Variants in FAM13A observed in about 807,000 individuals in gnomAD.
FAM13A encodes the protein protein FAM13A.
Under a neutral mutation model 129.6 loss-of-function variants are expected in FAM13A, and 76 were observed. That is an observed-to-expected ratio of 0.59 (90% CI 0.49 to 0.71). The LOEUF is 0.71. Among genes scored for constraint, FAM13A ranks in the 30% least tolerant of loss-of-function variants. The probability of loss-of-function intolerance (pLI) is 0.00; values close to 1 mark genes in which losing one functional copy is unlikely to be tolerated. For missense variants in FAM13A, 1,108 were observed against 1,249.3 expected (o/e 0.89, Z 1.70); for synonymous variants, 443 against 449.9 (o/e 0.98, Z 0.20).
At chr4:89,025,056 C>G (rs1337722028) in intron 2 of FAM13A, among the ~76,000 whole-genome samples, 1 of 152,060 alleles carries the variant, frequency 6.6e-6, no homozygotes, top group Non-Finnish European at 1.5e-5. Flanking sequence ...AAATCAATCC[C>G]TAATTTAAAT....
intron 7 of FAM13A, among the ~76,000 whole-genome samples, chr4:88,832,452 C>T (rs1734049204): frequency 6.6e-6 from 1 of 152,142 alleles, no homozygotes; most frequent in Non-Finnish European, 1.5e-5. Flanking sequence ...GAACAGACAA[C>T]CTACAGAATA....
chr4:88,831,756 A>G (rs1315867197), intron 7 of FAM13A, among the ~76,000 whole-genome samples: 2 of 152,222 alleles, frequency 1.3e-5, no homozygotes, highest in Non-Finnish European at 2.9e-5. Context: ...GACACAAACA[A>G]ATGGAAAAAC....
intron 11 of FAM13A, among the ~76,000 whole-genome samples, chr4:88,776,892 T>C (rs1721833248): frequency 6.6e-6 from 1 of 152,100 alleles, no homozygotes; most frequent in African/African-American, 2.4e-5. Flanking sequence ...GAGAATCACT[T>C]GAACCCGGGA....
chr4:89,033,537 G>C (rs993873331), intron 1 of FAM13A, among the ~76,000 whole-genome samples: 10 of 152,180 alleles, frequency 6.6e-5, no homozygotes, highest in African/African-American at 2.4e-4. Context: ...ATGCTGTAAA[G>C]ATAAGTGCAC....
chr4:89,021,353 G>T (rs994767267), intron 2 of FAM13A, among the ~76,000 whole-genome samples: 6 of 152,076 alleles, frequency 3.9e-5, no homozygotes, highest in African/African-American at 1.4e-4. Flanking sequence ...CATTTTCTTG[G>T]GCCCTTTACA....
At chr4:88,909,938 T>C (rs1375003666) in intron 5 of FAM13A, among the ~76,000 whole-genome samples, 1 of 152,226 alleles carries the variant, frequency 6.6e-6, no homozygotes, top group Admixed American at 6.5e-5. Flanking sequence ...TACAAAGCCA[T>C]GTAAAGAACG....
intron 4 of FAM13A, among the ~76,000 whole-genome samples, chr4:88,978,581 T>C (rs1468559921): frequency 1.3e-5 from 2 of 152,164 alleles, no homozygotes; most frequent in African/African-American, 4.8e-5. Flanking sequence ...GATCACAAGG[T>C]CAGGAGATCG....
chr4:88,922,425 ACTGAACAAC>A (rs2148723063), intron 5 of FAM13A, among the ~76,000 whole-genome samples: 1 of 152,300 alleles, frequency 6.6e-6, no homozygotes, highest in African/African-American at 2.4e-5. Context: ...CTACATGGAA[ACTGAACAAC>A]CTGCTCCTGA....
At chr4:88,915,078 T>C (rs1226767997) in intron 5 of FAM13A, among the ~76,000 whole-genome samples, 3 of 152,148 alleles carry the variant, frequency 2.0e-5, no homozygotes, top group Non-Finnish European at 2.9e-5. Context: ...TGATTACAAA[T>C]TGAAGTAGCA....
At chr4:88,978,125 T>C (rs907153996) in intron 4 of FAM13A, among the ~76,000 whole-genome samples, 19 of 152,130 alleles carry the variant, frequency 1.2e-4, no homozygotes, top group Non-Finnish European at 2.5e-4. Flanking sequence ...AACGATAACA[T>C]AGAAATCCTT....
At chr4:88,829,559 T>C (rs565784976) in intron 7 of FAM13A, among the ~76,000 whole-genome samples, 116 of 152,372 alleles carry the variant, frequency 7.6e-4, no homozygotes, top group Non-Finnish European at 1.3e-3. Context: ...TTTAGAATCA[T>C]GAAGCCAAGA....
At chr4:89,035,244 C>G (rs773362452) in intron 1 of FAM13A, among the ~76,000 whole-genome samples, 3 of 152,106 alleles carry the variant, frequency 2.0e-5, no homozygotes, top group Non-Finnish European at 4.4e-5. Flanking sequence ...ATTATGTTCA[C>G]TATTTGGGTG....
At chr4:88,821,735 C>G (rs747977672) in intron 7 of FAM13A, among the ~76,000 whole-genome samples, 1 of 152,162 alleles carries the variant, frequency 6.6e-6, no homozygotes, top group Non-Finnish European at 1.5e-5. Flanking sequence ...AGCATGTGGA[C>G]ATTTTCACTG....
chr4:88,991,647 T>C (rs768424634), intron 3 of FAM13A, among the ~76,000 whole-genome samples: 2 of 152,192 alleles, frequency 1.3e-5, no homozygotes, highest in African/African-American at 2.4e-5. Context: ...CAGGATTCTT[T>C]TGAATAAAAT....
chr4:88,768,497 G>A (rs1247503882), intron 11 of FAM13A: 3 of 156,264 alleles, frequency 1.9e-5, no homozygotes, highest in Admixed American at 1.9e-4. Flanking sequence ...ATATACATAT[G>A]CACACACACA....
At chr4:89,020,872 T>C (rs1347977482) in intron 2 of FAM13A, among the ~76,000 whole-genome samples, 1 of 152,162 alleles carries the variant, frequency 6.6e-6, no homozygotes, top group Non-Finnish European at 1.5e-5. Context: ...GCTTAAAAGA[T>C]CATATATGAT....
chr4:89,022,765 CCT>C (rs906886567), intron 2 of FAM13A, among the ~76,000 whole-genome samples: 1 of 152,126 alleles, frequency 6.6e-6, no homozygotes, highest in Admixed American at 6.6e-5. Flanking sequence ...TCTCTCTCCC[CCT>C]CTCTCTGTCT....
At chr4:88,983,570 T>C (rs1761898188) in intron 4 of FAM13A, among the ~76,000 whole-genome samples, 2 of 152,098 alleles carry the variant, frequency 1.3e-5, no homozygotes, top group South Asian at 4.1e-4. Context: ...AAGAAAAAGA[T>C]ACTTGATAAT....
chr4:88,808,018 T>C (rs1728926798), intron 7 of FAM13A, among the ~76,000 whole-genome samples: 1 of 152,172 alleles, frequency 6.6e-6, no homozygotes, highest in African/African-American at 2.4e-5. Context: ...CAATCAGCAG[T>C]TAACAGTGGA....
Sources: allele counts gnomAD v4.1 joint callset (sites outside exome capture counted in the v4.1 genomes callset), GRCh38; gene constraint gnomAD v4.1.1; transcripts MANE v1.5; gene names NCBI Gene and HGNC (gene_info 2026-07-23, HGNC 2026-07-21).